RANBP2: variants seen among roughly 807,000 people sequenced by gnomAD.
RANBP2 encodes the protein E3 SUMO-protein ligase RanBP2.
Under a neutral mutation model 303.6 loss-of-function variants are expected in RANBP2, and 57 were observed. The observed-to-expected ratio is 0.19, with a 90% CI of 0.15 to 0.23. RANBP2 has a LOEUF of 0.23. Among genes scored for constraint, RANBP2 ranks in the 10% least tolerant of loss-of-function variants. The probability of loss-of-function intolerance (pLI) is 1.00; values close to 1 mark genes in which losing one functional copy is unlikely to be tolerated. For missense variants in RANBP2, 3,138 were observed against 3,780.8 expected, an observed-to-expected ratio of 0.83 and a Z score of 4.46; for synonymous variants, 1,167 against 1,301.5, an observed-to-expected ratio of 0.90 and a Z score of 2.23.
chr2:109,190,301 G>A, the RANBP2 span, among the ~76,000 whole-genome samples: 1 of 152,198 alleles, frequency 6.6e-6, no homozygotes, highest in Non-Finnish European at 1.5e-5. Context: ...AACCTCCTGA[G>A]TAGCTGGGAT....
the RANBP2 span, among the ~76,000 whole-genome samples, chr2:109,698,518 A>T: frequency 6.6e-6 from 1 of 151,866 alleles, no homozygotes; most frequent in African/African-American, 2.4e-5. Flanking sequence ...GTATTTTTCT[A>T]CTTATAATGT....
At chr2:108,821,283 G>C in the RANBP2 span, among the ~76,000 whole-genome samples, 12 of 152,098 alleles carry the variant, frequency 7.9e-5, no homozygotes, top group African/African-American at 2.9e-4. Context: ...TCTTGAACCT[G>C]GGAGGCAGAG....
At chr2:108,866,233 A>T in the RANBP2 span, among the ~76,000 whole-genome samples, 2,018 of 152,304 alleles carry the variant, frequency 0.013, 64 homozygotes, top group South Asian at 0.086. Flanking sequence ...TGATGATGTC[A>T]TCCCTTCTGC....
At chr2:109,128,488 CG>C in the RANBP2 span, 1 of 152,132 alleles carries the variant, frequency 6.6e-6, no homozygotes, top group Non-Finnish European at 1.5e-5. Context: ...AAGGCTGCGC[CG>C]GGAGGAGTCG....
the RANBP2 span, among the ~76,000 whole-genome samples, chr2:108,976,297 G>C: frequency 6.6e-6 from 1 of 152,190 alleles, no homozygotes. Flanking sequence ...ACTGAGAGTT[G>C]TCAGATGTTT....
the RANBP2 span, among the ~76,000 whole-genome samples, chr2:109,048,037 C>T: frequency 6.6e-6 from 1 of 152,180 alleles, no homozygotes; most frequent in Non-Finnish European, 1.5e-5. Context: ...TCTGAGGACA[C>T]GCATCATCCC....
At chr2:108,818,042 A>C in the RANBP2 span, among the ~76,000 whole-genome samples, 1 of 152,226 alleles carries the variant, frequency 6.6e-6, no homozygotes, top group Non-Finnish European at 1.5e-5. Context: ...ACGGTGGCTC[A>C]TACCTGTAAT....
chr2:109,619,711 A>G, the RANBP2 span, among the ~76,000 whole-genome samples: 5 of 152,238 alleles, frequency 3.3e-5, no homozygotes, highest in Non-Finnish European at 7.3e-5. Flanking sequence ...TACATGTCTT[A>G]AAAGGATTTA....
chr2:109,144,148 A>G, the RANBP2 span, among the ~76,000 whole-genome samples: 2 of 152,268 alleles, frequency 1.3e-5, no homozygotes, highest in African/African-American at 2.4e-5. Flanking sequence ...ATAGTTAACA[A>G]TACTCGATTA....
At chr2:109,017,290 C>T in the RANBP2 span, among the ~76,000 whole-genome samples, 1 of 152,236 alleles carries the variant, frequency 6.6e-6, no homozygotes, top group Non-Finnish European at 1.5e-5. Context: ...TTTTCCAAAG[C>T]TCTGGGGGCA....
At chr2:109,400,399 CAT>C in the RANBP2 span, among the ~76,000 whole-genome samples, 4 of 152,144 alleles carry the variant, frequency 2.6e-5, no homozygotes, top group African/African-American at 9.7e-5. Flanking sequence ...CATGCACGCA[CAT>C]ATACACATAT....
chr2:109,281,608 T>A, the RANBP2 span, among the ~76,000 whole-genome samples: 1 of 152,178 alleles, frequency 6.6e-6, no homozygotes, highest in Non-Finnish European at 1.5e-5. Context: ...CCAGGTCTGC[T>A]GTTTGGTAAA....
chr2:109,067,175 C>CAGTGAGGACGCAGGCCT, the RANBP2 span, among the ~76,000 whole-genome samples: 6 of 152,080 alleles, frequency 3.9e-5, no homozygotes, highest in Non-Finnish European at 7.3e-5. Context: ...GAAGGACGCA[C>CAGTGAGGACGCAGGCCT]AGTGAGGACG....
the RANBP2 span, among the ~76,000 whole-genome samples, chr2:108,985,956 C>T: frequency 2.0e-5 from 3 of 152,160 alleles, no homozygotes; most frequent in Admixed American, 6.5e-5. Context: ...TGTAGGATCC[C>T]TTAATACATG....
At chr2:109,552,128 T>G in the RANBP2 span, among the ~76,000 whole-genome samples, 1 of 152,206 alleles carries the variant, frequency 6.6e-6, no homozygotes, top group South Asian at 2.1e-4. Context: ...GGATCTTGGT[T>G]GTGCGCTCCT....
the RANBP2 span, among the ~76,000 whole-genome samples, chr2:108,795,891 G>T: frequency 1.3e-5 from 2 of 152,040 alleles, no homozygotes; most frequent in Middle Eastern, 3.2e-3. Flanking sequence ...AAAAAGTCAG[G>T]TTTTAGGAAG....
the RANBP2 span, among the ~76,000 whole-genome samples, chr2:108,800,978 TAGTA>T: frequency 3.7e-4 from 29 of 78,362 alleles, no homozygotes; most frequent in African/African-American, 1.1e-3. Flanking sequence ...TATGGCTGCA[TAGTA>T]TTCCATGGTA....
At chr2:108,926,738 T>C in the RANBP2 span, among the ~76,000 whole-genome samples, 1 of 152,282 alleles carries the variant, frequency 6.6e-6, no homozygotes, top group East Asian at 1.9e-4. Context: ...GGCCACACTG[T>C]GGGGAGGGCG....
chr2:108,747,816 AC>A (rs1200681120), intron 8 of RANBP2, among the ~76,000 whole-genome samples: 1 of 152,238 alleles, frequency 6.6e-6, no homozygotes, highest in Non-Finnish European at 1.5e-5. Flanking sequence ...TAATTCATAT[AC>A]CATACGCTTC....
Sources: gnomAD v4.1 joint callset for allele counts (sites outside exome capture counted in the v4.1 genomes callset) on GRCh38, gnomAD v4.1.1 for gene constraint, MANE v1.5 for transcripts, NCBI Gene and HGNC (gene_info 2026-07-23, HGNC 2026-07-21) for gene names.